Variants in ZNF821 observed in about 807,000 individuals in gnomAD.
ZNF821 encodes the protein zinc finger protein 821.
In ZNF821, 16 loss-of-function variants were observed where a neutral mutation model predicts 44.3. That is an observed-to-expected ratio of 0.36 (90% confidence interval 0.24 to 0.55). The LOEUF (loss-of-function observed/expected upper bound fraction) is 0.55, where lower values mean the gene tolerates loss of function less well. ZNF821 is among the 20% of genes least tolerant of loss of function. The pLI is 0.86. For missense variants in ZNF821, 436 were observed against 547.6 expected (o/e 0.80, Z 2.03); for synonymous variants, 204 against 197.6 (o/e 1.03, Z -0.27).
chr16:71,877,817 G>A (rs2035987172), intron 3 of ZNF821, among the ~76,000 whole-genome samples: 1 of 151,486 alleles, frequency 6.6e-6, no homozygotes, highest in African/African-American at 2.4e-5. Context: ...CTACTCGGGA[G>A]GCTGAGGTGG....
Position 71,861,953 on chromosome 16 carries a change from G to A in ZNF821, c.418-11C>T, listed in dbSNP as rs1201644108. Reference sequence around the variant, plus strand: ...CACTGCTGCAGTGTGCTGTAAAACAGAGCCTTGATCTGTCAGTCTTGCGCT... The same window carrying A: ...CACTGCTGCAGTGTGCTGTAAAACAAAGCCTTGATCTGTCAGTCTTGCGCT... On this transcript the variant is annotated splice_polypyrimidine_tract_variant and intron_variant, in intron 6 of 7. Coordinates refer to ENST00000425432, the MANE Select transcript of ZNF821 (RefSeq NM_001201552.2). 1.2e-6 allele frequency: 2 copies of A among 1,613,640 alleles called. No homozygotes were observed. The highest frequency in any genetic ancestry group is 1.7e-6 in the Non-Finnish European group (2 of 1,179,550).
intron 3 of ZNF821, among the ~76,000 whole-genome samples, chr16:71,875,289 T>TC (rs1358883030): frequency 3.3e-5 from 5 of 152,074 alleles, no homozygotes; most frequent in Middle Eastern, 6.3e-3. Flanking sequence ...TTTCTTTTTT[T>TC]CCTTTTTTTT....
intron 3 of ZNF821, among the ~76,000 whole-genome samples, chr16:71,879,265 G>C (rs1417446015): frequency 2.6e-5 from 4 of 151,826 alleles, no homozygotes; most frequent in Middle Eastern, 3.2e-3. Flanking sequence ...TGAACATGTG[G>C]ATTCCCGCTT....
intron 4 of ZNF821, among the ~76,000 whole-genome samples, chr16:71,866,611 A>G (rs530242318): frequency 1.3e-5 from 2 of 152,358 alleles, no homozygotes; most frequent in African/African-American, 4.8e-5. Context: ...TCTCGCTACT[A>G]GAAAAATTTT....
In ZNF821 at chr16:71,883,889, G is replaced by C. The variant is rs1435977080; in HGVS notation, c.-141+19C>G. ...CATCCCCAGCCCGGACCCGGAGGGA[G>C]GGCAGGGGGTCTTTTTACCCGGCGC... is the stretch of plus-strand genomic sequence containing the variant. On this transcript the variant is annotated intron_variant, in intron 1 of 7. Coordinates refer to ENST00000425432, the MANE Select transcript of ZNF821 (RefSeq NM_001201552.2). 6.6e-6 allele frequency: 1 copy of C among 152,482 alleles called. No individual in the cohort carries two copies. The highest frequency in any genetic ancestry group is 1.5e-5 in the Non-Finnish European group (1 of 68,290). 9.4% of individuals were successfully genotyped at this position (152,482 alleles called of 1,614,324 possible). A position where few individuals can be genotyped will look rare whatever the true frequency, so the allele number is the denominator to read the frequency against.
chr16:71,862,778 T>C (rs1049444905), intron 6 of ZNF821, among the ~76,000 whole-genome samples: 6 of 152,212 alleles, frequency 3.9e-5, no homozygotes, highest in African/African-American at 1.2e-4. Flanking sequence ...GCTGATACCT[T>C]GTCAACACCG....
chr16:71,876,341 T>C (rs1031512894), intron 3 of ZNF821, among the ~76,000 whole-genome samples: 1 of 152,026 alleles, frequency 6.6e-6, no homozygotes, highest in African/African-American at 2.4e-5. Context: ...GTAGCTGGGA[T>C]TACAGGCACC....
Position 71,860,126 on chromosome 16 carries a change from T to A in ZNF821, c.1131A>T (p.Leu377Phe). Residue 377 changes from leucine to phenylalanine, a missense_variant, in exon 8 of 8, where the codon TTA (leucine) becomes TTT (phenylalanine). Leu to Phe is a conservative substitution (Grantham distance 22). This residue lies in a region of ZNF821 where 55 missense variants were observed against 56.9 expected (regional missense o/e 0.97). Coordinates refer to ENST00000425432, the MANE Select transcript of ZNF821 (RefSeq NM_001201552.2). This position sits in a 1 kb window ranked among gnomAD's most constrained non-coding sequence, Gnocchi z 7.3. ...FGQDPSAMAA[L>F]AAEMNFFQLP... ...GCTGGAAGAAGTTCATTTCAGCTGC[T>A]AAGGCTGCCATGGCAGAAGGGTCCT... 6 of 1,614,246 alleles carry A rather than the reference T, an allele frequency of 3.7e-6. No individual in the cohort carries two copies. The highest frequency in any genetic ancestry group is 5.1e-6 in the Non-Finnish European group (6 of 1,180,042).
At position 71,859,752 on chromosome 16, in the gene ZNF821, A is replaced by G. The variant is rs1315586985; in HGVS notation, c.*266T>C. ...CACACAGGGGCCCCACAGTCCTAGA[A>G]GCACAGCCTGTGGCAGTGGGCTGGG... On this transcript the variant is annotated 3_prime_UTR_variant, in exon 8 of 8. Transcript: ENST00000425432. 2.0e-6 allele frequency: 1 copy of G among 491,944 alleles called. No homozygotes were observed. The highest frequency in any genetic ancestry group is 1.9e-5 in the African/African-American group (1 of 51,946). The allele number at this position is 491,944 out of a possible 1,614,324, so 30.5% of individuals were successfully genotyped here.
chr16:71,894,679 C>G, intron 1 of ZNF821: 1 of 585,170 alleles, frequency 1.7e-6, no homozygotes, highest in Non-Finnish European at 3.0e-6. Flanking sequence ...GTGCTCACTG[C>G]TGCTCCCCTA....
intron 6 of ZNF821, 38 bp downstream of exon 6, chr16:71,864,100 C>A (rs2034249737): frequency 6.4e-7 from 1 of 1,572,020 alleles, no homozygotes; most frequent in East Asian, 2.2e-5. Flanking sequence ...AAGCTGCCCA[C>A]ACTTGTGTTC....
chr16:71,869,973 T>C (rs577852004), intron 3 of ZNF821, among the ~76,000 whole-genome samples: 14 of 152,266 alleles, frequency 9.2e-5, no homozygotes, highest in Admixed American at 8.5e-4. Context: ...CTAATAGAGA[T>C]GTAATTAGAA....
Position 71,859,757 on chromosome 16 carries a change from A to T in ZNF821, c.*261T>A. 2.0e-6 allele frequency: 1 copy of T among 495,878 alleles called. No homozygotes were observed. Among genetic ancestry groups the T allele is most frequent in the South Asian group, 3.8e-5 (1 of 26,334 alleles). 30.7% of individuals were successfully genotyped at this position (495,878 alleles called of 1,614,324 possible). A position where few individuals can be genotyped will look rare whatever the true frequency, so the allele number is the denominator to read the frequency against. On this transcript the variant is annotated 3_prime_UTR_variant, in exon 8 of 8. Coordinates refer to ENST00000425432, the MANE Select transcript of ZNF821 (RefSeq NM_001201552.2). The stretch of plus-strand genomic sequence containing the variant: ...AGGGGCCCCACAGTCCTAGAAGCAC[A>T]GCCTGTGGCAGTGGGCTGGGGAGGC...
chr16:71,864,544 G>T (rs954644668), intron 5 of ZNF821, among the ~76,000 whole-genome samples: 1 of 152,220 alleles, frequency 6.6e-6, no homozygotes, highest in African/African-American at 2.4e-5. Context: ...AAACAAGTTA[G>T]TGAGAAGGTG....
At chr16:71,866,866 C>A (rs1287923428) in intron 4 of ZNF821, among the ~76,000 whole-genome samples, 1 of 152,214 alleles carries the variant, frequency 6.6e-6, no homozygotes, top group Non-Finnish European at 1.5e-5. Flanking sequence ...AGAGTCCTCT[C>A]TCCATTTTCA....
chr16:71,886,994 C>T (rs2036860946), upstream of ZNF821, among the ~76,000 whole-genome samples: 1 of 152,216 alleles, frequency 6.6e-6, no homozygotes. Context: ...AAGGTTCATT[C>T]ATGTTGTAGC....
At chr16:71,867,729 GTCC>G (rs1026781784) in intron 4 of ZNF821, among the ~76,000 whole-genome samples, 180 bp downstream of exon 4, 10 of 151,566 alleles carry the variant, frequency 6.6e-5, no homozygotes, top group Admixed American at 5.9e-4. Flanking sequence ...TGCCAAACCT[GTCC>G]TCTTTTTCTG....
rs545124914 is a variant in ZNF821, at chr16:71,864,775, G to A, written c.312+128C>T. On this transcript the variant is annotated intron_variant, in intron 5 of 7. Transcript: ENST00000425432. ...AGGTGTGGGTTCTGGTGCCATGAAG[G>A]AAGAGGCCTCCCATGCAGGCCCAGG... 5.6e-5 allele frequency: 66 copies of A among 1,175,408 alleles called. 1 individual carries two copies. The highest frequency in any genetic ancestry group is 4.7e-5 in the Non-Finnish European group (39 of 833,448). 72.8% of individuals were successfully genotyped at this position (1,175,408 alleles called of 1,614,324 possible).
chr16:71,887,259 CTTTTTTTTTT>C (rs60449301), upstream of ZNF821, among the ~76,000 whole-genome samples: 1 of 124,880 alleles, frequency 8.0e-6, no homozygotes, highest in African/African-American at 3.0e-5. Flanking sequence ...TATATTCAAC[CTTTTTTTTTT>C]TTTTTTTTGA....
Sources: allele counts gnomAD v4.1 joint callset (sites outside exome capture counted in the v4.1 genomes callset), GRCh38; gene constraint gnomAD v4.1.1; regional missense constraint gnomAD v4.1.1; non-coding constraint Gnocchi (gnomAD v3.1); transcripts MANE v1.5; gene names NCBI Gene and HGNC (gene_info 2026-07-23, HGNC 2026-07-21).